CNTN5: variants seen among roughly 807,000 people sequenced by gnomAD.
CNTN5 encodes the protein contactin-5.
CNTN5 carries 77 observed loss-of-function variants against 129.1 expected under a neutral mutation model. The observed-to-expected ratio is 0.60, with a 90% CI of 0.50 to 0.72. The LOEUF (loss-of-function observed/expected upper bound fraction) is 0.72. Ranked by LOEUF, CNTN5 falls within the 30% of genes least tolerant of loss-of-function variation. The pLI, the probability that CNTN5 is intolerant of heterozygous loss-of-function variation, is 0.00. For synonymous variants in CNTN5, 509 were observed against 465.6 expected, an observed-to-expected ratio of 1.09 and a Z score of -1.20; for missense variants, 1,478 against 1,328.8, an observed-to-expected ratio of 1.11 and a Z score of -1.75.
At chr11:100,192,378 G>A (rs1375792121) in intron 14 of CNTN5, among the ~76,000 whole-genome samples, 3 of 151,976 alleles carry the variant, frequency 2.0e-5, no homozygotes, top group Non-Finnish European at 4.4e-5. Context: ...AATGCCATAT[G>A]GAACATTTGA....
intron 2 of CNTN5, among the ~76,000 whole-genome samples, chr11:99,479,904 T>G (rs1395702502): frequency 6.6e-6 from 1 of 152,096 alleles, no homozygotes; most frequent in South Asian, 2.1e-4. Context: ...TTTAGTTTAT[T>G]TTTCTTATCA....
chr11:99,269,540 G>A lies in CNTN5; in HGVS notation c.-209-55806G>A, dbSNP rs552054034. 2.0e-5 allele frequency among the ~76,000 whole-genome samples: 3 copies of A among 151,826 alleles called. No individual in the cohort carries two copies. The East Asian group carries it at 5.9e-4, about 30-fold the overall frequency. On this transcript the variant is annotated intron_variant, in intron 1 of 24. Transcript: ENST00000524871. ...AACAAGAAATGATCTTGTACTATGC[G>A]TGTGGCAAGGCAAGTATTTTTTAAA...
chr11:99,284,011 G>A (rs567635128), intron 1 of CNTN5, among the ~76,000 whole-genome samples: 64 of 152,208 alleles, frequency 4.2e-4, no homozygotes, highest in African/African-American at 1.5e-3. Context: ...GTGGTAACAA[G>A]GTTGCTGAAG....
chr11:99,667,802 C>T (rs554651503), intron 3 of CNTN5, among the ~76,000 whole-genome samples: 1 of 152,000 alleles, frequency 6.6e-6, no homozygotes, highest in African/African-American at 2.4e-5. Flanking sequence ...TAGCGGGTGG[C>T]GAGTGAGGGG....
At chr11:99,334,870 A>G (rs1310411738) in intron 2 of CNTN5, among the ~76,000 whole-genome samples, 2 of 152,120 alleles carry the variant, frequency 1.3e-5, no homozygotes, top group Non-Finnish European at 2.9e-5. Flanking sequence ...TTTTAATAAA[A>G]CATGAAATAT....
At chr11:99,486,227 G>A (rs1162835386) in intron 2 of CNTN5, among the ~76,000 whole-genome samples, 2 of 151,968 alleles carry the variant, frequency 1.3e-5, no homozygotes, top group Non-Finnish European at 2.9e-5. Context: ...CTTTCATAGA[G>A]CATATCAACT....
chr11:99,669,880 A>G (rs1241297151), intron 3 of CNTN5, among the ~76,000 whole-genome samples: 1 of 152,138 alleles, frequency 6.6e-6, no homozygotes. Context: ...ATCTATCATA[A>G]GCAATAATGA....
At chr11:99,210,289 A>G (rs1167394036) in intron 1 of CNTN5, among the ~76,000 whole-genome samples, 1 of 152,084 alleles carries the variant, frequency 6.6e-6, no homozygotes, top group African/African-American at 2.4e-5. Context: ...TTCCTTCTCA[A>G]TTTTTGCAAT....
At chr11:99,769,952 G>A (rs1010736260) in intron 3 of CNTN5, among the ~76,000 whole-genome samples, 1 of 152,104 alleles carries the variant, frequency 6.6e-6, no homozygotes, top group Non-Finnish European at 1.5e-5. Flanking sequence ...TGGAATGTAT[G>A]TAAGTTGGTG....
intron 3 of CNTN5, among the ~76,000 whole-genome samples, chr11:99,639,009 G>T (rs371996088): frequency 3.3e-5 from 5 of 152,168 alleles, no homozygotes; most frequent in East Asian, 1.9e-4. Context: ...AGAGATTCTC[G>T]TGAGGTCCCT....
intron 8 of CNTN5, among the ~76,000 whole-genome samples, chr11:99,994,223 T>C (rs1336899135): frequency 1.3e-5 from 2 of 152,124 alleles, no homozygotes; most frequent in African/African-American, 4.8e-5. Context: ...AGAGAGACTA[T>C]ATGGATCTGA....
Position 99,568,807 on chromosome 11 carries a change from T to A in CNTN5, c.55+12538T>A, listed in dbSNP as rs375956507. Among the ~76,000 whole-genome samples, 4 of 152,360 alleles carry A rather than the reference T, an allele frequency of 2.6e-5. No individual in the cohort carries two copies. The East Asian group carries it at 7.7e-4, about 29-fold the overall frequency. ...TTTTAGCTCTTTGAGAAAAATCCTATTTTGCTAGCCATTAATAAAGTTAAC... is the reference window on the plus strand; with the variant it reads ...TTTTAGCTCTTTGAGAAAAATCCTAATTTGCTAGCCATTAATAAAGTTAAC... On this transcript the variant is annotated intron_variant, in intron 3 of 24. Transcript: ENST00000524871.
chr11:99,565,878 C>T (rs1015959933), intron 3 of CNTN5, among the ~76,000 whole-genome samples: 3 of 152,112 alleles, frequency 2.0e-5, no homozygotes, highest in African/African-American at 7.2e-5. Flanking sequence ...CCCTTCATAC[C>T]TATAGGTGGA....
intron 3 of CNTN5, among the ~76,000 whole-genome samples, chr11:99,682,005 T>C (rs1953576805): frequency 6.6e-6 from 1 of 151,846 alleles, no homozygotes; most frequent in Non-Finnish European, 1.5e-5. Flanking sequence ...CAAAAAAGGG[T>C]AAGCCAAGCA....
At chr11:99,602,635 G>T (rs1467632471) in intron 3 of CNTN5, among the ~76,000 whole-genome samples, 1 of 151,952 alleles carries the variant, frequency 6.6e-6, no homozygotes, top group Non-Finnish European at 1.5e-5. Context: ...AAGGTCTGGG[G>T]AGGAGTTTGT....
intron 2 of CNTN5, among the ~76,000 whole-genome samples, chr11:99,448,730 T>TTTTTATTTTATTTTA (rs57789569): frequency 0.018 from 2,166 of 123,328 alleles, 63 homozygotes; most frequent in African/African-American, 0.038. Flanking sequence ...TGTACAATTG[T>TTTTTATTTTATTTTA]TTTTATTTTA....
intron 13 of CNTN5, among the ~76,000 whole-genome samples, chr11:100,099,208 G>A (rs1591241277): frequency 6.6e-6 from 1 of 152,062 alleles, no homozygotes; most frequent in African/African-American, 2.4e-5. Context: ...ACTGGCCCAA[G>A]TTCACACAGA....
At chr11:99,124,967 T>C (rs1195898921) in intron 1 of CNTN5, among the ~76,000 whole-genome samples, 1 of 151,872 alleles carries the variant, frequency 6.6e-6, no homozygotes, top group Non-Finnish European at 1.5e-5. Flanking sequence ...ATTGAATCAA[T>C]AAAACAGCCT....
chr11:100,161,873 A>ACACACACACACACACACAC (rs1555025938), intron 13 of CNTN5, among the ~76,000 whole-genome samples: 1 of 120,312 alleles, frequency 8.3e-6, no homozygotes, highest in African/African-American at 3.1e-5. Flanking sequence ...ACACACACAC[A>ACACACACACACACACACAC]AAACAAAAAA....
Sources: allele counts gnomAD v4.1 joint callset (sites outside exome capture counted in the v4.1 genomes callset), GRCh38; gene constraint gnomAD v4.1.1; transcripts MANE v1.5; gene names NCBI Gene and HGNC (gene_info 2026-07-23, HGNC 2026-07-21).